The following FTO variants were observed in gnomAD, a reference collection of about 807,000 sequenced individuals.
FTO encodes the protein FTO alpha-ketoglutarate dependent dioxygenase.
FTO carries 47 observed loss-of-function variants against 63.9 expected under a neutral mutation model. The ratio of observed to expected loss-of-function variants is 0.74; its 90% CI spans 0.58 to 0.94. FTO has a LOEUF of 0.94. FTO is among the 40% of genes least tolerant of loss of function. The pLI, the probability that FTO is intolerant of heterozygous loss-of-function variation, is 0.00. For missense variants in FTO, 562 were observed against 618.1 expected (o/e 0.91, Z 0.96); for synonymous variants, 207 against 224.4 (o/e 0.92, Z 0.69).
intron 8 of FTO, among the ~76,000 whole-genome samples, chr16:54,033,409 A>G (rs547989791): frequency 3.3e-5 from 5 of 152,342 alleles, no homozygotes; most frequent in Non-Finnish European, 5.9e-5. Context: ...AATGAAGCAA[A>G]AAAATAAAAA....
chr16:53,894,502 T>C (rs1355108107), intron 7 of FTO, among the ~76,000 whole-genome samples: 2 of 152,234 alleles, frequency 1.3e-5, no homozygotes, highest in African/African-American at 4.8e-5. Context: ...TATTGTATTA[T>C]AGTTCAATTA....
chr16:53,749,810 C>A (rs1046362520), intron 1 of FTO, among the ~76,000 whole-genome samples: 3 of 152,184 alleles, frequency 2.0e-5, no homozygotes, highest in Non-Finnish European at 4.4e-5. Flanking sequence ...TGTGTTGAGG[C>A]ACATTCCTTT....
intron 8 of FTO, among the ~76,000 whole-genome samples, chr16:53,985,938 G>A (rs1401371658): frequency 6.6e-6 from 1 of 152,168 alleles, no homozygotes; most frequent in Non-Finnish European, 1.5e-5. Context: ...GTTTCCTTTA[G>A]TTTTGAAACA....
intron 8 of FTO, among the ~76,000 whole-genome samples, chr16:54,091,204 C>T (rs1567566028): frequency 6.6e-6 from 1 of 152,116 alleles, no homozygotes; most frequent in East Asian, 1.9e-4. Flanking sequence ...GCAAAATCCT[C>T]ATGAAACATT....
intron 1 of FTO, among the ~76,000 whole-genome samples, chr16:53,713,470 C>G (rs575922290): frequency 6.6e-6 from 1 of 152,146 alleles, no homozygotes. Flanking sequence ...TAAGCACATT[C>G]ATTTACTCTT....
At chr16:53,986,703 A>G (rs1242847284) in intron 8 of FTO, among the ~76,000 whole-genome samples, 3 of 152,174 alleles carry the variant, frequency 2.0e-5, no homozygotes, top group Non-Finnish European at 2.9e-5. Context: ...AGTGTGTCTA[A>G]TCTTTATGAA....
intron 1 of FTO, among the ~76,000 whole-genome samples, chr16:53,730,445 A>G (rs576315250): frequency 1.5e-3 from 223 of 151,936 alleles, no homozygotes; most frequent in Non-Finnish European, 2.8e-3. Context: ...CATTTTTCCA[A>G]TTATACTGTA....
intron 7 of FTO, among the ~76,000 whole-genome samples, chr16:53,924,116 A>G (rs953699218): frequency 3.3e-5 from 5 of 152,218 alleles, no homozygotes; most frequent in African/African-American, 1.2e-4. Flanking sequence ...GACTTCATAC[A>G]CATAATGCTG....
At chr16:53,909,903 G>T (rs2081644354) in intron 7 of FTO, among the ~76,000 whole-genome samples, 1 of 151,902 alleles carries the variant, frequency 6.6e-6, no homozygotes, top group Non-Finnish European at 1.5e-5. Flanking sequence ...TAAGGGACAG[G>T]ATCTTGCTCT....
chr16:54,059,144 C>T (rs182179286), intron 8 of FTO, among the ~76,000 whole-genome samples: 3 of 152,274 alleles, frequency 2.0e-5, no homozygotes, highest in Admixed American at 1.3e-4. Context: ...TTGGGCCCCT[C>T]GATTGCCCTG....
chr16:53,958,514 C>G (rs1053730149), intron 8 of FTO, among the ~76,000 whole-genome samples: 1 of 152,124 alleles, frequency 6.6e-6, no homozygotes, highest in East Asian at 1.9e-4. Flanking sequence ...GTCCCACCCC[C>G]GGTGTATAAA....
At chr16:53,936,852 C>T (rs1331733485) in intron 8 of FTO, among the ~76,000 whole-genome samples, 5 of 152,260 alleles carry the variant, frequency 3.3e-5, no homozygotes, top group East Asian at 3.9e-4. Context: ...TCAACGGAGC[C>T]GCCGCAGCTG....
At chr16:54,090,218 G>A (rs1352032355) in intron 8 of FTO, among the ~76,000 whole-genome samples, 4 of 152,222 alleles carry the variant, frequency 2.6e-5, no homozygotes, top group African/African-American at 9.6e-5. Context: ...GAATGAAATT[G>A]AAACACGGGC....
intron 8 of FTO, among the ~76,000 whole-genome samples, chr16:53,940,540 A>G (rs2082503801): frequency 6.6e-6 from 1 of 152,256 alleles, no homozygotes; most frequent in South Asian, 2.1e-4. Flanking sequence ...ATTTCATTCA[A>G]CATTGCACAC....
At chr16:54,069,398 C>T (rs558018043) in intron 8 of FTO, among the ~76,000 whole-genome samples, 36 of 152,014 alleles carry the variant, frequency 2.4e-4, no homozygotes, top group African/African-American at 7.0e-4. Flanking sequence ...TACAATCAGA[C>T]GTAGGAAGGA....
At chr16:53,773,800 A>G (rs1327567643) in intron 1 of FTO, among the ~76,000 whole-genome samples, 2 of 152,182 alleles carry the variant, frequency 1.3e-5, no homozygotes, top group Non-Finnish European at 2.9e-5. Flanking sequence ...GAAGGTTTGT[A>G]AACACAACAC....
At chr16:53,960,274 A>G (rs2083040529) in intron 8 of FTO, among the ~76,000 whole-genome samples, 1 of 152,210 alleles carries the variant, frequency 6.6e-6, no homozygotes, top group Admixed American at 6.5e-5. Flanking sequence ...TATTTTGTAC[A>G]CAGCCACATC....
intron 1 of FTO, among the ~76,000 whole-genome samples, chr16:53,737,193 T>C (rs74018195): frequency 0.018 from 2,678 of 152,316 alleles, 42 homozygotes; most frequent in Middle Eastern, 0.075. Context: ...TTTTTAATTT[T>C]GCATGGTGGA....
chr16:53,822,344 GT>G (rs2078889491), intron 2 of FTO, among the ~76,000 whole-genome samples: 1 of 152,084 alleles, frequency 6.6e-6, no homozygotes, highest in Non-Finnish European at 1.5e-5. Flanking sequence ...AATATAAGAA[GT>G]ATCTTCTCTC....
Sources: gnomAD v4.1 joint callset for allele counts (sites outside exome capture counted in the v4.1 genomes callset) on GRCh38, gnomAD v4.1.1 for gene constraint, MANE v1.5 for transcripts, NCBI Gene and HGNC (gene_info 2026-07-23, HGNC 2026-07-21) for gene names.